The following PDE8A variants were observed in gnomAD, a reference collection of about 807,000 sequenced individuals.
PDE8A encodes the protein high affinity cAMP-specific and IBMX-insensitive 3',5'-cyclic phosphodiesterase 8A.
Under a neutral mutation model 105.0 loss-of-function variants are expected in PDE8A, and 59 were observed. That is an observed-to-expected ratio of 0.56 (90% CI 0.46 to 0.70). PDE8A has a LOEUF of 0.70. PDE8A is among the 30% of genes least tolerant of loss of function. The pLI is 0.00. For missense variants in PDE8A, 1,014 were observed against 1,045.9 expected (o/e 0.97, Z 0.42); for synonymous variants, 355 against 371.9 (o/e 0.95, Z 0.52).
intron 11 of PDE8A, among the ~76,000 whole-genome samples, chr15:85,105,399 C>G (rs2081933103): frequency 1.3e-5 from 2 of 152,102 alleles, no homozygotes; most frequent in Admixed American, 1.3e-4. Flanking sequence ...CGACAGTCAG[C>G]TGTGGTCCCG....
chr15:85,115,785 G>A, intron 15 of PDE8A, 199 bp from the exon 16 acceptor site: 1 of 557,190 alleles, frequency 1.8e-6, no homozygotes, highest in South Asian at 2.3e-5. Flanking sequence ...GCCAGGCATG[G>A]TGGCAGGTGC....
chr15:85,033,694 G>A (rs1342565249), intron 1 of PDE8A, among the ~76,000 whole-genome samples: 2 of 151,844 alleles, frequency 1.3e-5, no homozygotes, highest in Admixed American at 6.6e-5. Flanking sequence ...GTGAAACCCC[G>A]TCTCTACTAA....
chr15:85,030,449 G>A (rs1051883191), intron 1 of PDE8A, among the ~76,000 whole-genome samples: 5 of 152,082 alleles, frequency 3.3e-5, no homozygotes, highest in African/African-American at 1.2e-4. Flanking sequence ...TCAGAGTGAG[G>A]AATGTAGGAG....
Position 85,097,993 on chromosome 15 carries a change from A to G in PDE8A, c.898A>G (p.Ile300Val), listed in dbSNP as rs781150436. Reference protein sequence around the residue: ...YYAKKKNGDNIQQNVKIIPVI... With the variant: ...YYAKKKNGDNVQQNVKIIPVI... ...TGCCAAAAAGAAAAACGGAGATAATATACAACAAAATGTGAAGATAATACC... is the reference window on the plus strand; with the variant it reads ...TGCCAAAAAGAAAAACGGAGATAATGTACAACAAAATGTGAAGATAATACC... Residue 300 changes from isoleucine (I) to valine (V), a missense_variant, in exon 9 of 22, where the codon ATA (isoleucine) becomes GTA (valine). Ile to Val is a conservative substitution (Grantham distance 29). Transcript: ENST00000394553. 3.7e-6 allele frequency: 6 copies of G among 1,604,894 alleles called. No individual in the cohort carries two copies. In the South Asian group the frequency reaches 6.6e-5, roughly 18 times the overall value.
chr15:85,041,530 C>T (rs980474848), intron 1 of PDE8A, among the ~76,000 whole-genome samples: 2 of 152,152 alleles, frequency 1.3e-5, no homozygotes, highest in East Asian at 1.9e-4. Flanking sequence ...ATGACTACTA[C>T]GATGTTCTAA....
At position 85,075,334 on chromosome 15, in the gene PDE8A, A is replaced by G. The variant is rs191836920; in HGVS notation, c.435-528A>G. 3.3e-5 allele frequency among the ~76,000 whole-genome samples: 5 copies of G among 152,250 alleles called. 1 individual carries two copies. The highest frequency in any genetic ancestry group is 3.9e-4 in the East Asian group (2 of 5,186). ...ATGCTCTTCTTTCTGACCGATTACA[A>G]TATCTTGCATTTCCTAGTTTTGGAT... On this transcript the variant is annotated intron_variant, in intron 3 of 21. Transcript: ENST00000394553.
intron 1 of PDE8A, among the ~76,000 whole-genome samples, chr15:85,040,559 T>A (rs1389474422): frequency 8.7e-6 from 1 of 114,464 alleles, no homozygotes; most frequent in South Asian, 2.8e-4. Context: ...TATGTGCTTA[T>A]GTATTTTTTT....
chr15:85,116,087 T>A lies in PDE8A; in HGVS notation c.1503T>A (p.Asp501Glu), dbSNP rs200205707. The change falls in exon 16 of 22, where the codon GAT (aspartate) becomes GAA (glutamate). Residue 501 changes from aspartate (D) to glutamate (E), a missense_variant. By Grantham distance (45) the Asp-to-Glu change is conservative (BLOSUM62 2). Coordinates refer to ENST00000394553, the MANE Select transcript of PDE8A (RefSeq NM_002605.3). ...AAAATGAGGAATACTGGGACTTTGA[T>A]ATTTTTGAACTGGAGGCTGCCACCC... is the stretch of plus-strand genomic sequence containing the variant. ...AMENEEYWDF[D>E]IFELEAATHN... is the part of the protein sequence containing the mutation. 6.2e-7 allele frequency: 1 copy of A among 1,614,138 alleles called. No individual in the cohort carries two copies. Among genetic ancestry groups the A allele is most frequent in the African/African-American group, 1.3e-5 (1 of 75,062 alleles).
intron 6 of PDE8A, among the ~76,000 whole-genome samples, chr15:85,085,755 C>T (rs1006641778): frequency 6.6e-6 from 1 of 150,908 alleles, no homozygotes; most frequent in African/African-American, 2.4e-5. Flanking sequence ...CGCCTGTAAT[C>T]TCTGCACTTT....
At chr15:85,092,920 C>CTTTTTTTTTTTTTTTTTTT (rs5814181) in intron 8 of PDE8A, among the ~76,000 whole-genome samples, 2 of 132,050 alleles carry the variant, frequency 1.5e-5, no homozygotes. Flanking sequence ...TACTGCTTTC[C>CTTTTTTTTTTTTTTTTTTT]TTTTTTTTTT....
chr15:85,137,230 C>T (rs754834098), intron 21 of PDE8A, among the ~76,000 whole-genome samples: 5 of 152,106 alleles, frequency 3.3e-5, no homozygotes, highest in Non-Finnish European at 7.4e-5. Context: ...TCAAGAAGGC[C>T]GTAGAACAGG....
intron 8 of PDE8A, among the ~76,000 whole-genome samples, chr15:85,097,207 G>A (rs1596515651): frequency 1.3e-5 from 2 of 152,050 alleles, no homozygotes; most frequent in Admixed American, 6.5e-5. Context: ...ATTTTAGGAC[G>A]GTGACAAAAC....
At chr15:84,991,418 C>T (rs1464386194) in intron 1 of PDE8A, among the ~76,000 whole-genome samples, 1 of 152,126 alleles carries the variant, frequency 6.6e-6, no homozygotes, top group Non-Finnish European at 1.5e-5. Flanking sequence ...AAATTAAACC[C>T]ACAATGAAAT....
chr15:85,097,641 A>G (rs2081779261), intron 8 of PDE8A, among the ~76,000 whole-genome samples: 1 of 152,114 alleles, frequency 6.6e-6, no homozygotes, highest in Non-Finnish European at 1.5e-5. Context: ...GGTGGGAGTT[A>G]TGAGAGGAGG....
In PDE8A at chr15:85,126,238, C is replaced by T; in HGVS notation, c.2117C>T (p.Thr706Ile). Residue 706 changes from threonine (T) to isoleucine (I), a missense_variant, in exon 20 of 22, where the codon ACT (threonine) becomes ATT (isoleucine). Transcript: ENST00000394553. The part of the protein sequence containing the change: ...ETDKNQEVIN[T>I]MLRTPENRTL... ...GATAAAAACCAGGAAGTGATAAACACTATGCTTAGGACTCCAGAGAACCGG... is the reference window on the plus strand; with the variant it reads ...GATAAAAACCAGGAAGTGATAAACATTATGCTTAGGACTCCAGAGAACCGG... 3 of 1,611,038 alleles carry T rather than the reference C, an allele frequency of 1.9e-6. No homozygotes were observed. Among genetic ancestry groups the T allele is most frequent in the Non-Finnish European group, 2.5e-6 (3 of 1,178,662 alleles).
intron 5 of PDE8A, among the ~76,000 whole-genome samples, chr15:85,081,477 T>C (rs1255839024): frequency 6.6e-6 from 1 of 152,206 alleles, no homozygotes; most frequent in African/African-American, 2.4e-5. Flanking sequence ...GCTCAGGTCC[T>C]AGCCGTGGGT....
chr15:85,041,298 T>C (rs1163331748), intron 1 of PDE8A, among the ~76,000 whole-genome samples: 4 of 152,246 alleles, frequency 2.6e-5, no homozygotes, highest in African/African-American at 9.6e-5. Flanking sequence ...TGGTAGGATG[T>C]AAAATGCTTA....
At chr15:85,086,229 TA>T (rs1776058498) in intron 6 of PDE8A, among the ~76,000 whole-genome samples, 1 of 152,066 alleles carries the variant, frequency 6.6e-6, no homozygotes, top group African/African-American at 2.4e-5. Context: ...ACGTAAGTAC[TA>T]AAAAATAAAA....
intron 1 of PDE8A, among the ~76,000 whole-genome samples, chr15:85,033,167 G>A (rs1294001788): frequency 6.6e-6 from 1 of 152,192 alleles, no homozygotes; most frequent in East Asian, 1.9e-4. Flanking sequence ...AGGCACTTGG[G>A]ACTACAGATC....
Sources: gnomAD v4.1 joint callset for allele counts (sites outside exome capture counted in the v4.1 genomes callset) on GRCh38, gnomAD v4.1.1 for gene constraint, MANE v1.5 for transcripts, NCBI Gene and HGNC (gene_info 2026-07-23, HGNC 2026-07-21) for gene names.